Variants in FAT2 observed in about 807,000 individuals in gnomAD.
The protein encoded by FAT2 is FAT atypical cadherin 2.
Under a neutral mutation model 295.3 loss-of-function variants are expected in FAT2, and 150 were observed. The ratio of observed to expected loss-of-function variants is 0.51; its 90% CI spans 0.44 to 0.58. The LOEUF is 0.58. Among genes scored for constraint, FAT2 ranks in the 20% least tolerant of loss-of-function variants. FAT2 has a pLI of 0.00. For synonymous variants in FAT2, 2,026 were observed against 2,150.3 expected (o/e 0.94, Z 1.60); for missense variants, 4,868 against 5,442.7 (o/e 0.89, Z 3.32).
At chr5:151,513,462 C>T (rs749938434) in intron 20 of FAT2, among the ~76,000 whole-genome samples, 2 of 152,162 alleles carry the variant, frequency 1.3e-5, no homozygotes, top group South Asian at 2.1e-4. Context: ...ATGGAGTTGG[C>T]GGCCATTATC....
In FAT2 at chr5:151,531,798, C is replaced by T. The variant is rs756296108; in HGVS notation, c.9600G>A (p.Thr3200=). ...SDLGTPIPLS[T]LGTVTVSVVG... ...CCACCGAGACTGTGACGGTGCCCAGCGTGGACAGCGGTATTGGGGTGCCCA... is the reference window on the plus strand; with the variant it reads ...CCACCGAGACTGTGACGGTGCCCAGTGTGGACAGCGGTATTGGGGTGCCCA... The change falls in exon 14 of 24, where the codon ACG becomes ACA. Residue 3200 remains threonine (T), a synonymous_variant. Transcript: ENST00000261800. The surrounding 1 kb of genome is among the most constrained non-coding windows in gnomAD (Gnocchi z 5.7). The T allele has an allele frequency of 1.2e-5, 20 of 1,612,984 alleles. No individual in the cohort carries two copies. The highest frequency in any genetic ancestry group is 1.7e-5 in the Non-Finnish European group (20 of 1,180,002).
At chr5:151,536,691 T>G (rs1163786691) in intron 12 of FAT2, among the ~76,000 whole-genome samples, 1 of 152,244 alleles carries the variant, frequency 6.6e-6, no homozygotes, top group Non-Finnish European at 1.5e-5. Flanking sequence ...ACCCATCCAC[T>G]GAGCCAGACC....
At chr5:151,592,350 C>G (rs1277720857), upstream of FAT2, among the ~76,000 whole-genome samples, 5 of 152,146 alleles carry the variant, frequency 3.3e-5, no homozygotes, top group African/African-American at 1.2e-4. Flanking sequence ...CGTACTAGGC[C>G]CTGGGGACAC....
chr5:151,567,831 G>C lies in FAT2; in HGVS notation c.1101C>G (p.Tyr367Ter). 5.6e-6 allele frequency: 9 copies of C among 1,614,168 alleles called. No individual in the cohort carries two copies. The highest frequency in any genetic ancestry group is 7.6e-6 in the Non-Finnish European group (9 of 1,180,022). ...GGGAAAACTCACTAAGCTGCACTCT[G>C]TAAACAGCCTTCTCGAATTTGAGGG... ...LSSLKFEKAV[Y>*]RVQLSEFSPP... Residue 367 changes from tyrosine to a stop codon, truncating the protein, a stop_gained, in exon 2 of 24, where the codon TAC becomes TAG. Transcript: ENST00000261800. LOFTEE classifies it high-confidence loss of function.
At chr5:151,570,340 T>C (rs544661827) in intron 1 of FAT2, among the ~76,000 whole-genome samples, 1 of 152,224 alleles carries the variant, frequency 6.6e-6, no homozygotes, top group Non-Finnish European at 1.5e-5. Context: ...TTAGAGATGA[T>C]GGGCTTCTGT....
At position 151,543,228 on chromosome 5, in the gene FAT2, G is replaced by T; in HGVS notation, c.7899C>A (p.Val2633=). 1 of 1,614,164 alleles carries T rather than the reference G, an allele frequency of 6.2e-7. No homozygotes were observed. Among genetic ancestry groups the T allele is most frequent in the African/African-American group, 1.3e-5 (1 of 75,038 alleles). The change falls in exon 10 of 24, where the codon GTC becomes GTA. Residue 2633 remains valine (V), a synonymous_variant. Transcript: ENST00000261800. ...CACCAGTGACTGGGTTAATTTCAAT[G>T]ACATCTTTAACTAGGTCCTCTGGGT... ...SVNPEDLVKD[V]IEINPVTGVV... is the part of the protein sequence containing the mutation.
intron 6 of FAT2, among the ~76,000 whole-genome samples, chr5:151,552,412 A>G (rs373987124): frequency 1.4e-4 from 22 of 152,332 alleles, no homozygotes; most frequent in African/African-American, 5.3e-4. Context: ...GCTTGGGTCA[A>G]GGGCATATAT....
chr5:151,510,293 T>C, intron 21 of FAT2, 119 bp from the exon 22 acceptor site: 13 of 1,228,124 alleles, frequency 1.1e-5, no homozygotes, highest in African/African-American at 1.5e-5. Context: ...ATTTGGTTGC[T>C]CCCCTCTGTG....
intron 1 of FAT2, among the ~76,000 whole-genome samples, chr5:151,587,185 C>G (rs1759211302): frequency 6.6e-6 from 1 of 151,720 alleles, no homozygotes; most frequent in Non-Finnish European, 1.5e-5. Flanking sequence ...AACAAAAAAA[C>G]CCAACATAAT....
chr5:151,521,695 A>T lies in FAT2; in HGVS notation c.10898T>A (p.Met3633Lys). The change falls in exon 19 of 24, where the codon ATG becomes AAG. Residue 3633 changes from methionine to lysine, a missense_variant. Coordinates refer to ENST00000261800, the MANE Select transcript of FAT2 (RefSeq NM_001447.3). ...GQEALQQAMW[M>K]GFYQLTPEEL... is the part of the protein sequence containing the mutation. ...CTCGGGGGTGAGCTGGTAGAAGCCC[A>T]TCCACATGGCCTGCTGCAGAGCCTC... 6.2e-7 allele frequency: 1 copy of T among 1,613,994 alleles called. No individual in the cohort carries two copies. The highest frequency in any genetic ancestry group is 8.5e-7 in the Non-Finnish European group (1 of 1,180,008).
In FAT2 at chr5:151,567,225, AC is replaced by A; in HGVS notation, c.1706del (p.Cys569LeufsTer11). The A allele has an allele frequency of 1.2e-6, 2 of 1,614,186 alleles. No individual in the cohort carries two copies. Among genetic ancestry groups the A allele is most frequent in the Non-Finnish European group, 1.7e-6 (2 of 1,180,030 alleles). On this transcript the variant is annotated frameshift_variant, in exon 2 of 24. Transcript: ENST00000261800. LOFTEE classifies it high-confidence loss of function. ...DNQPMFEEVN[C>X]TGSIRQDWPV... ...GCCAGTCTTGGCGGATAGACCCTGTACAGTTGACTTCTTCAAACATAGGCTG... is the reference window on the plus strand; with the variant it reads ...GCCAGTCTTGGCGGATAGACCCTGTAAGTTGACTTCTTCAAACATAGGCTG...
intron 1 of FAT2, among the ~76,000 whole-genome samples, chr5:151,586,335 C>T (rs147309776): frequency 6.6e-6 from 1 of 152,296 alleles, no homozygotes; most frequent in African/African-American, 2.4e-5. Context: ...CCCCAGCCAG[C>T]GGAAGGATAG....
In FAT2 at chr5:151,563,319, C is replaced by A. The variant is rs1315269972; in HGVS notation, c.3574+6G>T. ...TCCCTGTTCACCCAGCTTTTTGGAT[C>A]CTTACCTGTAACAGGGTGAATCATA... On this transcript the variant is annotated splice_donor_region_variant and intron_variant, in intron 3 of 23. Transcript: ENST00000261800. 4 of 1,612,420 alleles carry A rather than the reference C, an allele frequency of 2.5e-6. No homozygotes were observed. Among genetic ancestry groups the A allele is most frequent in the African/African-American group, 1.3e-5 (1 of 74,814 alleles).
At chr5:151,570,379 A>T (rs186423408) in intron 1 of FAT2, among the ~76,000 whole-genome samples, 2 of 152,360 alleles carry the variant, frequency 1.3e-5, no homozygotes, top group African/African-American at 4.8e-5. Flanking sequence ...ATGAGTATAG[A>T]TGGGGAAATA....
In FAT2 at chr5:151,563,534, T is replaced by C. The variant is rs2127642159; in HGVS notation, c.3365A>G (p.Glu1122Gly). 1 of 1,614,054 alleles carries C rather than the reference T, an allele frequency of 6.2e-7. No homozygotes were observed. The highest frequency in any genetic ancestry group is 8.5e-7 in the Non-Finnish European group (1 of 1,179,978). Residue 1122 changes from glutamate (E) to glycine (G), a missense_variant, in exon 3 of 24, where the codon GAA (glutamate) becomes GGA (glycine). By Grantham distance (98) the Glu-to-Gly change is moderately conservative (BLOSUM62 -2). This residue lies in a region of FAT2 where 3,297 missense variants were observed against 3,669.4 expected (regional missense o/e 0.90). Coordinates refer to ENST00000261800, the MANE Select transcript of FAT2 (RefSeq NM_001447.3). ...RGSVPLSSVT[E>G]VYIEVTDAND... Reference sequence around the variant, plus strand: ...GGCATCCGTAACCTCGATGTAGACTTCAGTTACAGAAGAGAGGGGCACAGA... The same window carrying C: ...GGCATCCGTAACCTCGATGTAGACTCCAGTTACAGAAGAGAGGGGCACAGA...
intron 3 of FAT2, among the ~76,000 whole-genome samples, chr5:151,563,041 A>G (rs1439674388): frequency 1.3e-5 from 2 of 152,230 alleles, no homozygotes; most frequent in African/African-American, 4.8e-5. Flanking sequence ...CAAGGAAAGA[A>G]ACATGAAGAC....
chr5:151,531,381 T>C lies in FAT2; in HGVS notation c.9811+206A>G, dbSNP rs73798931. ...TGGCTGCGGACGTGGGAGGGTCCCG[T>C]TTAAGGGAGGCTCCCACATAAGCTG... On this transcript the variant is annotated intron_variant, in intron 14 of 23. Coordinates refer to ENST00000261800, the MANE Select transcript of FAT2 (RefSeq NM_001447.3). This position sits in a 1 kb window ranked among gnomAD's most constrained non-coding sequence, Gnocchi z 5.7. Among the ~76,000 whole-genome samples the C allele has an allele frequency of 0.049, 7,442 of 151,784 alleles. 260 individuals are homozygous for C. Among genetic ancestry groups the C allele is most frequent in the African/African-American group, 0.1 (4,169 of 41,390 alleles).
chr5:151,585,537 G>A (rs762662480), intron 1 of FAT2, among the ~76,000 whole-genome samples: 6 of 152,218 alleles, frequency 3.9e-5, no homozygotes, highest in Admixed American at 1.3e-4. Flanking sequence ...ACTTGAATCC[G>A]GGAAGTGGAG....
At chr5:151,530,728 CAG>C (rs1754500711) in intron 14 of FAT2, among the ~76,000 whole-genome samples, 1 of 152,116 alleles carries the variant, frequency 6.6e-6, no homozygotes, top group African/African-American at 2.4e-5. Flanking sequence ...TCTTATTATA[CAG>C]AGATACACAC....
Sources: gnomAD v4.1 joint callset for allele counts (sites outside exome capture counted in the v4.1 genomes callset) on GRCh38, gnomAD v4.1.1 for gene constraint, gnomAD v4.1.1 regional missense constraint, Gnocchi (gnomAD v3.1) non-coding constraint, MANE v1.5 for transcripts, NCBI Gene and HGNC (gene_info 2026-07-23, HGNC 2026-07-21) for gene names.